Variants in FBN2 observed in about 807,000 individuals in gnomAD.
FBN2 encodes the protein fibrillin 2.
Under a neutral mutation model 355.6 loss-of-function variants are expected in FBN2, and 105 were observed. The ratio of observed to expected loss-of-function variants is 0.30; its 90% confidence interval spans 0.25 to 0.35. FBN2 has a LOEUF of 0.35. Among genes scored for constraint, FBN2 ranks in the 10% least tolerant of loss-of-function variants. FBN2 has a pLI of 1.00. For missense variants in FBN2, 3,280 were observed against 3,758.7 expected, an observed-to-expected ratio of 0.87 and a Z score of 3.33; for synonymous variants, 1,350 against 1,301.2, an observed-to-expected ratio of 1.04 and a Z score of -0.81.
At chr5:128,535,023 G>T (rs1292794715) in intron 2 of FBN2, among the ~76,000 whole-genome samples, 2 of 152,138 alleles carry the variant, frequency 1.3e-5, no homozygotes, top group African/African-American at 4.8e-5. Context: ...ATGCCCTACT[G>T]GCCTGAAAGA....
rs764384815 is a variant in FBN2 at position 128,280,143 on chromosome 5, G to A, written c.7138+49C>T. 5 of 1,514,842 alleles carry A rather than the reference G, an allele frequency of 3.3e-6. No individual in the cohort carries two copies. In the South Asian group the frequency reaches 5.6e-5, roughly 17 times the overall value. The allele number at this position is 1,514,842 out of a possible 1,614,324, so 93.8% of individuals were successfully genotyped here. On this transcript the variant is annotated intron_variant, in intron 56 of 64. Transcript: ENST00000262464. Reference sequence around the variant, plus strand: ...TGGAGCTCTTCTGTGATGACATCATGAACAGATGTTTTATCTACCAAGTAT... The same window carrying A: ...TGGAGCTCTTCTGTGATGACATCATAAACAGATGTTTTATCTACCAAGTAT...
chr5:128,326,247 G>A (rs185803629), intron 34 of FBN2, among the ~76,000 whole-genome samples: 11 of 152,078 alleles, frequency 7.2e-5, no homozygotes, highest in Admixed American at 2.0e-4. Context: ...AGCTGGTTTC[G>A]GTTTCATTAA....
chr5:128,537,375 G>C lies in FBN2; in HGVS notation c.229C>G (p.Arg77Gly). The C allele has an allele frequency of 6.2e-7, 1 of 1,610,612 alleles. No individual in the cohort carries two copies. The highest frequency in any genetic ancestry group is 2.2e-5 in the East Asian group (1 of 44,846). The change falls in exon 1 of 65, where the codon CGA becomes GGA. Residue 77 changes from arginine (R) to glycine (G), a missense_variant. Physicochemically the swap from Arg to Gly is moderately radical, Grantham distance 125. Coordinates refer to ENST00000262464, the MANE Select transcript of FBN2 (RefSeq NM_001999.4). The stretch of plus-strand genomic sequence containing the variant: ...CCTCGGAGCACGTCCTGCTGTCCTC[G>C]CCGGCGGACGCGGCTGGCCACTGCG... Reference protein sequence around the residue: ...GAAVASRVRRRGQQDVLRGPN... With the variant: ...GAAVASRVRRGGQQDVLRGPN...
chr5:128,507,827 G>A (rs1235388068), intron 5 of FBN2, among the ~76,000 whole-genome samples: 2 of 151,966 alleles, frequency 1.3e-5, no homozygotes, highest in Non-Finnish European at 2.9e-5. Context: ...AGTTTTCTAT[G>A]CCCGTATTGA....
In FBN2 at chr5:128,287,305, T is replaced by C; in HGVS notation, c.6880+3A>G. On this transcript the variant is annotated splice_donor_region_variant and intron_variant, in intron 54 of 64. Coordinates refer to ENST00000262464, the MANE Select transcript of FBN2 (RefSeq NM_001999.4). ...CGAACTACTCCCGAGTCTGAGGCCTTACCTTTGCACATCTTTTGATCTTCC... is the reference window on the plus strand; with the variant it reads ...CGAACTACTCCCGAGTCTGAGGCCTCACCTTTGCACATCTTTTGATCTTCC... The C allele has an allele frequency of 1.9e-6, 3 of 1,613,828 alleles. No individual in the cohort carries two copies. The highest frequency in any genetic ancestry group is 2.5e-6 in the Non-Finnish European group (3 of 1,179,772).
chr5:128,367,415 C>T (rs529273424), intron 16 of FBN2, among the ~76,000 whole-genome samples: 146 of 152,070 alleles, frequency 9.6e-4, no homozygotes, highest in African/African-American at 3.4e-3. Context: ...TTCTGAAATC[C>T]TGTTTATGTA....
intron 6 of FBN2, among the ~76,000 whole-genome samples, chr5:128,456,636 A>G (rs1304206071): frequency 2.0e-5 from 3 of 152,086 alleles, no homozygotes; most frequent in Non-Finnish European, 4.4e-5. Context: ...ATCTCTAGTC[A>G]TGGGGGCGAA....
intron 25 of FBN2, among the ~76,000 whole-genome samples, chr5:128,341,966 C>G (rs997137243): frequency 1.3e-5 from 2 of 152,150 alleles, no homozygotes; most frequent in African/African-American, 4.8e-5. Flanking sequence ...AATTATACTC[C>G]TAATGCATAC....
intron 55 of FBN2, among the ~76,000 whole-genome samples, chr5:128,281,293 G>A (rs1765537821): frequency 6.6e-6 from 1 of 152,048 alleles, no homozygotes; most frequent in Admixed American, 6.5e-5. Context: ...TATTTACTGT[G>A]GGATTGCCCT....
At chr5:128,426,231 T>C (rs1385383623) in intron 7 of FBN2, among the ~76,000 whole-genome samples, 1 of 152,170 alleles carries the variant, frequency 6.6e-6, no homozygotes, top group Non-Finnish European at 1.5e-5. Context: ...CACAGACACA[T>C]TCACATTACA....
chr5:128,284,291 A>G (rs949268163), intron 55 of FBN2, among the ~76,000 whole-genome samples: 4 of 152,178 alleles, frequency 2.6e-5, no homozygotes, highest in African/African-American at 9.7e-5. Flanking sequence ...TGAGGCACAT[A>G]TTTAAGCCAA....
Position 128,328,833 on chromosome 5 carries a change from A to G in FBN2, c.4346-12T>C, listed in dbSNP as rs778640219. The G allele has an allele frequency of 6.2e-7, 1 of 1,614,098 alleles. No individual in the cohort carries two copies. The highest frequency in any genetic ancestry group is 1.1e-5 in the South Asian group (1 of 91,080). ...ACACTCATCAACATCTGTGCAAAAA[A>G]GCAAATTACATCTCTGTTAAGTTCC... is the stretch of plus-strand genomic sequence containing the variant. On this transcript the variant is annotated splice_polypyrimidine_tract_variant and intron_variant, in intron 33 of 64. Coordinates refer to ENST00000262464, the MANE Select transcript of FBN2 (RefSeq NM_001999.4).
intron 7 of FBN2, among the ~76,000 whole-genome samples, chr5:128,425,127 CAAACTTA>C (rs1046803243): frequency 1.3e-5 from 2 of 151,200 alleles, no homozygotes; most frequent in African/African-American, 2.4e-5. Context: ...CACATTAGGA[CAAACTTA>C]AAACTTAAAA....
At chr5:128,287,916 G>C (rs6862992) in intron 53 of FBN2, among the ~76,000 whole-genome samples, 8,939 of 152,164 alleles carry the variant, frequency 0.059, 879 homozygotes, top group African/African-American at 0.2. Flanking sequence ...CAGCTCAAGT[G>C]GCATGACTGT....
chr5:128,468,013 T>C (rs1379587893), intron 5 of FBN2, among the ~76,000 whole-genome samples: 1 of 152,158 alleles, frequency 6.6e-6, no homozygotes, highest in Non-Finnish European at 1.5e-5. Flanking sequence ...TAAAATTCAA[T>C]GGTTTTTAGT....
intron 7 of FBN2, among the ~76,000 whole-genome samples, chr5:128,440,080 T>A (rs1288048884): frequency 6.6e-6 from 1 of 152,226 alleles, no homozygotes; most frequent in African/African-American, 2.4e-5. Flanking sequence ...TTGTGTTTCA[T>A]TGGGCTATTT....
intron 62 of FBN2, among the ~76,000 whole-genome samples, chr5:128,269,282 A>AATG (rs1765203649): frequency 1.4e-5 from 2 of 143,920 alleles, no homozygotes; most frequent in Admixed American, 1.4e-4. Context: ...TAATAATAAT[A>AATG]GTAATAATAA....
intron 62 of FBN2, among the ~76,000 whole-genome samples, chr5:128,267,133 T>C (rs183872016): frequency 2.6e-5 from 4 of 152,220 alleles, no homozygotes; most frequent in African/African-American, 9.7e-5. Context: ...GCTTCATCCA[T>C]GTCCCTGCAA....
At chr5:128,393,807 A>G (rs1447530927) in intron 9 of FBN2, among the ~76,000 whole-genome samples, 2 of 152,196 alleles carry the variant, frequency 1.3e-5, no homozygotes, top group Non-Finnish European at 2.9e-5. Flanking sequence ...GAGATTAGGT[A>G]TTAATATTGC....
Sources: gnomAD v4.1 joint callset for allele counts (sites outside exome capture counted in the v4.1 genomes callset) on GRCh38, gnomAD v4.1.1 for gene constraint, MANE v1.5 for transcripts, NCBI Gene and HGNC (gene_info 2026-07-23, HGNC 2026-07-21) for gene names.